Variants in NOL4L observed in about 807,000 individuals in gnomAD.
The protein encoded by NOL4L is nucleolar protein 4-like.
A neutral mutation model predicts 64.5 loss-of-function variants in NOL4L; 7 were observed. The observed-to-expected ratio is 0.11, with a 90% CI of 0.06 to 0.20. NOL4L has a LOEUF of 0.20. Among genes scored for constraint, NOL4L ranks in the 10% least tolerant of loss-of-function variants. NOL4L has a pLI of 1.00. For synonymous variants in NOL4L, 413 were observed against 401.0 expected, an observed-to-expected ratio of 1.03 and a Z score of -0.36; for missense variants, 680 against 967.1, an observed-to-expected ratio of 0.70 and a Z score of 3.94.
At chr20:32,500,533 T>TTTTTTTTTTTTTTTTTTTTTA (rs1568661332) in intron 4 of NOL4L, among the ~76,000 whole-genome samples, 12 of 119,042 alleles carry the variant, frequency 1.0e-4, no homozygotes, top group Non-Finnish European at 2.0e-4. Context: ...TTTTTGTATT[T>TTTTTTTTTTTTTTTTTTTTTA]CTTTCTTTTT....
Position 32,527,818 on chromosome 20 carries a change from C to G in NOL4L, c.417G>C (p.Glu139Asp). Residue 139 changes from glutamate (E) to aspartate (D), a missense_variant, in exon 2 of 11, where the codon GAG (glutamate) becomes GAC (aspartate). Glu to Asp is a conservative substitution (Grantham distance 45). Around this residue, in one of 4 missense-constraint regions of NOL4L, gnomAD observed 181 missense variants for 335.2 expected, o/e 0.54. Transcript: ENST00000621426. The stretch of plus-strand genomic sequence containing the variant: ...GGGCTTTGCCTGGCTCCGCTGAGCT[C>G]TCCACATGCATCGAGTAGATGATGT... ...FFDIIYSMHV[E>D]SSAEPGKAPK... The G allele has an allele frequency of 1.3e-6, 2 of 1,550,626 alleles. No individual in the cohort carries two copies. Among genetic ancestry groups the G allele is most frequent in the Non-Finnish European group, 1.7e-6 (2 of 1,146,976 alleles).
At chr20:32,565,189 T>G (rs1246432595) in intron 1 of NOL4L, among the ~76,000 whole-genome samples, 2 of 152,200 alleles carry the variant, frequency 1.3e-5, no homozygotes, top group African/African-American at 4.8e-5. Context: ...GGGAACAGTC[T>G]GGAGACCCCG....
chr20:32,551,995 G>A (rs1448514447), intron 1 of NOL4L, among the ~76,000 whole-genome samples: 1 of 151,762 alleles, frequency 6.6e-6, no homozygotes, highest in Admixed American at 6.6e-5. Context: ...TGGCTATATT[G>A]CACAGGCTGG....
chr20:32,531,497 C>T (rs1280788181), intron 1 of NOL4L, among the ~76,000 whole-genome samples: 3 of 151,844 alleles, frequency 2.0e-5, no homozygotes, highest in Admixed American at 6.6e-5. Flanking sequence ...GGATTAAAGG[C>T]GCCTGCCACC....
chr20:32,470,600 A>G (rs1488862312), intron 5 of NOL4L, among the ~76,000 whole-genome samples: 1 of 152,218 alleles, frequency 6.6e-6, no homozygotes, highest in Non-Finnish European at 1.5e-5. Context: ...AAAGTCTCTC[A>G]GGCATCCTCC....
intron 4 of NOL4L, among the ~76,000 whole-genome samples, chr20:32,479,734 C>T (rs1028534575): frequency 2.6e-5 from 4 of 152,188 alleles, no homozygotes; most frequent in African/African-American, 9.7e-5. Flanking sequence ...AGCACCAAAG[C>T]CATCATGGGT....
intron 2 of NOL4L, among the ~76,000 whole-genome samples, chr20:32,526,883 C>A (rs1233426044): frequency 6.6e-6 from 1 of 152,204 alleles, no homozygotes; most frequent in Non-Finnish European, 1.5e-5. Context: ...TATGTATGAG[C>A]TGTGGATAGG....
rs2018560982 is a variant in NOL4L at position 32,537,197 on chromosome 20, C to T, written c.322-9284G>A. On this transcript the variant is annotated intron_variant, in intron 1 of 10. Transcript: ENST00000621426. ...TCTCCCGTAGTCCTCACAGACCCTC[C>T]GCGGTCAGTGCCTCTGCTGCTCCCC... The T allele has an allele frequency of 5.0e-6, 4 of 800,868 alleles. No homozygotes were observed. The African/African-American group carries it at 5.6e-5, about 11-fold the overall frequency. The allele number at this position is 800,868 out of a possible 1,614,324, so 49.6% of individuals were successfully genotyped here.
intron 2 of NOL4L, among the ~76,000 whole-genome samples, chr20:32,522,234 C>A (rs557784719): frequency 2.0e-5 from 3 of 152,190 alleles, no homozygotes; most frequent in Admixed American, 2.0e-4. Flanking sequence ...GCTGCAAATG[C>A]GAAGTTAATT....
At chr20:32,566,711 T>C (rs1979452632) in intron 1 of NOL4L, among the ~76,000 whole-genome samples, 2 of 152,172 alleles carry the variant, frequency 1.3e-5, no homozygotes, top group Admixed American at 1.3e-4. Flanking sequence ...TGAAGGCCTC[T>C]CACTGAGGCC....
rs769028955 is a variant in NOL4L at position 32,456,260 on chromosome 20, G to A, written c.977C>T (p.Thr326Met). The A allele has an allele frequency of 2.1e-5, 34 of 1,604,106 alleles. No homozygotes were observed. The highest frequency in any genetic ancestry group is 3.4e-5 in the Admixed American group (2 of 58,560). Residue 326 changes from threonine (T) to methionine (M), a missense_variant, in exon 6 of 11, where the codon ACG becomes ATG. This residue lies in a region of NOL4L where 254 missense variants were observed against 238.7 expected (regional missense o/e 1.06). Transcript: ENST00000621426. ...NGAVAPMDFT[T>M]AAEDQPINLC... ...GTTGATGGGCTGATCCTCGGCGGCCGTGGTGAAGTCCATGGGGGCCACGGC... is the reference window on the plus strand; with the variant it reads ...GTTGATGGGCTGATCCTCGGCGGCCATGGTGAAGTCCATGGGGGCCACGGC...
intron 4 of NOL4L, among the ~76,000 whole-genome samples, chr20:32,495,785 C>T (rs749191871): frequency 3.2e-4 from 49 of 152,048 alleles, no homozygotes; most frequent in Non-Finnish European, 5.7e-4. Flanking sequence ...GGCGAGACCC[C>T]ATCCCTACAA....
chr20:32,452,336 C>A lies in NOL4L; in HGVS notation c.1722G>T (p.Val574=). The change falls in exon 10 of 11, where the codon GTG becomes GTT. Residue 574 remains valine (V), a synonymous_variant. Transcript: ENST00000621426. ...TGTAGTTGAGGCCGCCGTTGGCGTA[C>A]ACAGGGTCCTGGGAGTAGGAGGAGG... The part of the protein sequence containing the change: ...LPASSYSQDP[V]YANGGLNYSY... The A allele has an allele frequency of 6.2e-7, 1 of 1,610,638 alleles. No homozygotes were observed. The highest frequency in any genetic ancestry group is 8.5e-7 in the Non-Finnish European group (1 of 1,177,964).
At position 32,444,104 on chromosome 20, in the gene NOL4L, CAG is replaced by C. The variant is rs2012235519; in HGVS notation, c.*3490_*3491del. ...TCAAGAGCAAGTCTTGCAGAACACA[CAG>C]GGACTGGGGGCATCTGTACATGTAA... On this transcript the variant is annotated 3_prime_UTR_variant, in exon 11 of 11. Transcript: ENST00000621426. 1 of 152,190 alleles carries C rather than the reference CAG, an allele frequency of 6.6e-6. No individual in the cohort carries two copies. Among genetic ancestry groups the C allele is most frequent in the African/African-American group, 2.4e-5 (1 of 41,448 alleles). The allele number at this position is 152,190 out of a possible 1,614,324, so 9.4% of individuals were successfully genotyped here. A position where few individuals can be genotyped will look rare whatever the true frequency, so the allele number is the denominator to read the frequency against.
chr20:32,532,343 G>A, intron 1 of NOL4L: 2 of 985,346 alleles, frequency 2.0e-6, no homozygotes, highest in Non-Finnish European at 2.4e-6. Flanking sequence ...GTGAGCTAGG[G>A]CCACCTGGAT....
intron 10 of NOL4L, 60 bp from the exon 11 acceptor site, chr20:32,447,876 G>T: frequency 6.6e-7 from 1 of 1,510,734 alleles, no homozygotes; most frequent in South Asian, 1.3e-5. Flanking sequence ...TCTGGGAGGT[G>T]TACCTTCCTT....
At chr20:32,560,478 G>C (rs1978941902) in intron 1 of NOL4L, among the ~76,000 whole-genome samples, 2 of 152,224 alleles carry the variant, frequency 1.3e-5, no homozygotes, top group African/African-American at 4.8e-5. Flanking sequence ...CATGCTACCC[G>C]CTGCCCCAAC....
At chr20:32,475,419 G>C in intron 4 of NOL4L, 1 of 808,380 alleles carries the variant, frequency 1.2e-6, no homozygotes, top group Non-Finnish European at 1.5e-6. Flanking sequence ...TTCAGCTCAA[G>C]GGCCTGGGGG....
intron 1 of NOL4L, among the ~76,000 whole-genome samples, chr20:32,583,983 C>T (rs1568727062): frequency 6.7e-6 from 1 of 148,802 alleles, no homozygotes; most frequent in Non-Finnish European, 1.5e-5. Context: ...TCCGGCCGCC[C>T]CTCCCCGGGC....
Sources: allele counts gnomAD v4.1 joint callset (sites outside exome capture counted in the v4.1 genomes callset), GRCh38; gene constraint gnomAD v4.1.1; regional missense constraint gnomAD v4.1.1; transcripts MANE v1.5; gene names NCBI Gene and HGNC (gene_info 2026-07-23, HGNC 2026-07-21).